RORB: variants seen among roughly 807,000 people sequenced by gnomAD.
The protein encoded by RORB is nuclear receptor ROR-beta.
In RORB, 6 loss-of-function variants were observed where a neutral mutation model predicts 59.1. The observed-to-expected ratio is 0.10, with a 90% CI of 0.06 to 0.20. The LOEUF is 0.20. Among genes scored for constraint, RORB ranks in the 10% least tolerant of loss-of-function variants. The probability of loss-of-function intolerance (pLI) is 1.00; values close to 1 mark genes in which losing one functional copy is unlikely to be tolerated. For missense variants in RORB, 320 were observed against 560.5 expected, an observed-to-expected ratio of 0.57 and a Z score of 4.33; for synonymous variants, 215 against 204.5, an observed-to-expected ratio of 1.05 and a Z score of -0.44.
intron 1 of RORB, among the ~76,000 whole-genome samples, chr9:74,558,847 C>T (rs1428670077): frequency 3.9e-5 from 6 of 152,186 alleles, no homozygotes; most frequent in African/African-American, 1.4e-4. Context: ...AGCCTTAAGA[C>T]TGGTTATTTG....
At chr9:74,565,734 T>A (rs1822460574) in intron 1 of RORB, among the ~76,000 whole-genome samples, 1 of 152,200 alleles carries the variant, frequency 6.6e-6, no homozygotes, top group South Asian at 2.1e-4. Context: ...GCTTTTCTGC[T>A]TGTGTGTTGG....
intron 1 of RORB, among the ~76,000 whole-genome samples, chr9:74,606,132 T>C (rs1244457395): frequency 6.6e-6 from 1 of 152,188 alleles, no homozygotes; most frequent in Non-Finnish European, 1.5e-5. Context: ...AATGAGATAA[T>C]GCATTTAAAT....
intron 3 of RORB, among the ~76,000 whole-genome samples, chr9:74,640,097 G>A (rs1045759668): frequency 6.6e-6 from 1 of 152,156 alleles, no homozygotes; most frequent in Non-Finnish European, 1.5e-5. Context: ...CAACCACTAA[G>A]ATGGAAAGGG....
At chr9:74,682,289 G>T (rs542304342) in intron 9 of RORB, among the ~76,000 whole-genome samples, 78 of 126,248 alleles carry the variant, frequency 6.2e-4, no homozygotes, top group African/African-American at 2.2e-3. Context: ...GTTGTGGGGT[G>T]GGGGGAGGGG....
chr9:74,560,915 T>C (rs996498579), intron 1 of RORB, among the ~76,000 whole-genome samples: 1 of 152,116 alleles, frequency 6.6e-6, no homozygotes, highest in Admixed American at 6.6e-5. Context: ...TATCTGAAAA[T>C]ACATTGGTTA....
intron 2 of RORB, among the ~76,000 whole-genome samples, chr9:74,631,297 G>A (rs1448189988): frequency 1.3e-5 from 2 of 152,214 alleles, no homozygotes; most frequent in Non-Finnish European, 2.9e-5. Flanking sequence ...AAAGGACCAT[G>A]TGTAACCAGA....
intron 9 of RORB, among the ~76,000 whole-genome samples, chr9:74,676,504 T>C (rs1371533152): frequency 1.3e-5 from 2 of 152,224 alleles, no homozygotes; most frequent in Non-Finnish European, 2.9e-5. Flanking sequence ...ACTCAGCGAG[T>C]ACCATGCCTT....
intron 1 of RORB, among the ~76,000 whole-genome samples, chr9:74,591,402 T>C (rs1438126759): frequency 6.6e-6 from 1 of 152,220 alleles, no homozygotes; most frequent in Non-Finnish European, 1.5e-5. Flanking sequence ...CTTTTTAAGA[T>C]GCAGTCCCTT....
chr9:74,647,290 A>T (rs1208573921), intron 4 of RORB, among the ~76,000 whole-genome samples: 1 of 152,214 alleles, frequency 6.6e-6, no homozygotes, highest in Non-Finnish European at 1.5e-5. Context: ...TTGCTCCACC[A>T]CTAACAAGCT....
At chr9:74,630,197 C>A in intron 1 of RORB, 85 bp from the exon 2 acceptor site, 1 of 1,538,368 alleles carries the variant, frequency 6.5e-7, no homozygotes, top group Non-Finnish European at 8.8e-7. Flanking sequence ...AACATCAAGG[C>A]AGAGATAGAT....
At position 74,689,067 on chromosome 9, in the gene RORB, T is replaced by A. The variant is rs374481454; in HGVS notation, c.*3449T>A. ...CACCCGTATATGCCCGTACTGTCCA[T>A]GACTCAACTAATCTCTTTGCCCCTT... On this transcript the variant is annotated 3_prime_UTR_variant, in exon 10 of 10. Transcript: ENST00000376896. 6.6e-6 allele frequency: 1 copy of A among 152,246 alleles called. No individual in the cohort carries two copies. Among genetic ancestry groups the A allele is most frequent in the South Asian group, 2.1e-4 (1 of 4,830 alleles). The allele number at this position is 152,246 out of a possible 1,614,324, so 9.4% of individuals were successfully genotyped here. A position where few individuals can be genotyped will look rare whatever the true frequency, so the allele number is the denominator to read the frequency against.
chr9:74,588,085 T>C (rs776424813), intron 1 of RORB, among the ~76,000 whole-genome samples: 1 of 152,154 alleles, frequency 6.6e-6, no homozygotes, highest in Non-Finnish European at 1.5e-5. Context: ...CAGTAAGTTT[T>C]CTCTGCATTT....
At chr9:74,555,813 G>C (rs554567710) in intron 1 of RORB, among the ~76,000 whole-genome samples, 1 of 152,278 alleles carries the variant, frequency 6.6e-6, no homozygotes, top group South Asian at 2.1e-4. Context: ...TCTTGACATG[G>C]TAGTTTGCAT....
rs939424857 is a variant in RORB at position 74,691,280 on chromosome 9, C to T, written c.*5662C>T. 6.6e-6 allele frequency: 1 copy of T among 152,186 alleles called. No homozygotes were observed. Among genetic ancestry groups the T allele is most frequent in the South Asian group, 2.1e-4 (1 of 4,824 alleles). The allele number at this position is 152,186 out of a possible 1,614,324, so 9.4% of individuals were successfully genotyped here. A position where few individuals can be genotyped will look rare whatever the true frequency, so the allele number is the denominator to read the frequency against. On this transcript the variant is annotated 3_prime_UTR_variant, in exon 10 of 10. Coordinates refer to ENST00000376896, the MANE Select transcript of RORB (RefSeq NM_006914.4). ...TGAATGAGCCCTGTTCAGGGCAGCA[C>T]GGGGCATCTGCACCCCAGCTGGGCA...
chr9:74,578,992 T>C (rs1336308610), intron 1 of RORB, among the ~76,000 whole-genome samples: 1 of 152,162 alleles, frequency 6.6e-6, no homozygotes, highest in South Asian at 2.1e-4. Context: ...TGATTTTATA[T>C]ATATGAGTAG....
chr9:74,646,261 G>C (rs1823896698), intron 4 of RORB, among the ~76,000 whole-genome samples: 1 of 152,056 alleles, frequency 6.6e-6, no homozygotes, highest in African/African-American at 2.4e-5. Context: ...CTTAAAAGCA[G>C]ATCGCTTTTA....
At chr9:74,592,904 G>A (rs190265512) in intron 1 of RORB, among the ~76,000 whole-genome samples, 3 of 151,990 alleles carry the variant, frequency 2.0e-5, no homozygotes, top group Admixed American at 2.0e-4. Context: ...TCAGGGGTGA[G>A]GAGAGCTAGG....
chr9:74,654,969 T>C (rs1320199988), intron 4 of RORB, among the ~76,000 whole-genome samples: 3 of 152,268 alleles, frequency 2.0e-5, no homozygotes, highest in Non-Finnish European at 4.4e-5. Context: ...GGATTTAATA[T>C]TAACCTGCAA....
chr9:74,671,730 G>A (rs924209389), intron 8 of RORB, 59 bp from the exon 9 acceptor site: 11 of 1,010,610 alleles, frequency 1.1e-5, no homozygotes, highest in Non-Finnish European at 1.7e-5. Context: ...ACTTATGTAT[G>A]TGGGTGAAGC....
Sources: allele counts gnomAD v4.1 joint callset (sites outside exome capture counted in the v4.1 genomes callset), GRCh38; gene constraint gnomAD v4.1.1; transcripts MANE v1.5; gene names NCBI Gene and HGNC (gene_info 2026-07-23, HGNC 2026-07-21).